ATRNL1: variants seen among roughly 807,000 people sequenced by gnomAD.
ATRNL1 encodes attractin like 1.
A neutral mutation model predicts 182.7 loss-of-function variants in ATRNL1; 95 were observed. The ratio of observed to expected loss-of-function variants is 0.52; its 90% confidence interval spans 0.44 to 0.62. The LOEUF (loss-of-function observed/expected upper bound fraction) is 0.62, where lower values mean the gene tolerates loss of function less well. Ranked by LOEUF, ATRNL1 falls within the 20% of genes least tolerant of loss-of-function variation. The pLI is 0.00. For missense variants in ATRNL1, 1,471 were observed against 1,679.5 expected, an observed-to-expected ratio of 0.88 and a Z score of 2.17; for synonymous variants, 576 against 568.3, an observed-to-expected ratio of 1.01 and a Z score of -0.19.
intron 5 of ATRNL1, among the ~76,000 whole-genome samples, chr10:115,144,872 T>C (rs1462837084): frequency 1.3e-5 from 2 of 151,130 alleles, no homozygotes; most frequent in African/African-American, 2.4e-5. Context: ...TTTGATTTAG[T>C]AAAATCTTCT....
intron 23 of ATRNL1, 37 bp downstream of exon 23, chr10:115,467,289 G>T: frequency 7.1e-7 from 1 of 1,418,330 alleles, no homozygotes; most frequent in Non-Finnish European, 9.8e-7. Context: ...TTTTACATGT[G>T]TTCCTATCTG....
At chr10:115,534,184 G>C (rs374633643) in intron 25 of ATRNL1, among the ~76,000 whole-genome samples, 2 of 139,086 alleles carry the variant, frequency 1.4e-5, no homozygotes, top group African/African-American at 5.1e-5. Flanking sequence ...TCGTTGATCT[G>C]TCTAATGTTG....
At chr10:115,561,712 T>TGG (rs1565167526) in intron 26 of ATRNL1, among the ~76,000 whole-genome samples, 1 of 150,870 alleles carries the variant, frequency 6.6e-6, no homozygotes, top group Non-Finnish European at 1.5e-5. Context: ...TGGGTGTGTG[T>TGG]GTGTGTGTGT....
In ATRNL1 at chr10:115,298,446, C is replaced by T. The variant is rs192482549; in HGVS notation, c.2416-1588C>T. 2.2e-3 allele frequency among the ~76,000 whole-genome samples: 334 copies of T among 152,124 alleles called. 2 individuals are homozygous for T. The highest frequency in any genetic ancestry group is 3.1e-3 in the Non-Finnish European group (212 of 67,946). ...TCCTCTTCCTCTCAGATTTTTATCA[C>T]GATGAGTTAGGGAGTAATATTTCAT... On this transcript the variant is annotated intron_variant, in intron 15 of 28. Coordinates refer to ENST00000355044, the MANE Select transcript of ATRNL1 (RefSeq NM_207303.4).
intron 6 of ATRNL1, among the ~76,000 whole-genome samples, chr10:115,163,435 C>T (rs1554883742): frequency 6.6e-6 from 1 of 151,182 alleles, no homozygotes; most frequent in African/African-American, 2.4e-5. Flanking sequence ...GTGATCATGG[C>T]TCACTGCAGC....
At chr10:115,492,933 G>A (rs1228684329) in intron 24 of ATRNL1, among the ~76,000 whole-genome samples, 16 of 152,062 alleles carry the variant, frequency 1.1e-4, no homozygotes, top group African/African-American at 3.1e-4. Flanking sequence ...GTGAGTCACC[G>A]CGCCTGGCCT....
intron 27 of ATRNL1, among the ~76,000 whole-genome samples, chr10:115,734,398 T>C (rs1395856363): frequency 6.6e-6 from 1 of 152,148 alleles, no homozygotes; most frequent in Admixed American, 6.5e-5. Context: ...TTAATCAAAT[T>C]TTTATTGTTA....
chr10:115,445,019 C>T (rs1033334170), intron 21 of ATRNL1, among the ~76,000 whole-genome samples: 1 of 152,012 alleles, frequency 6.6e-6, no homozygotes, highest in Non-Finnish European at 1.5e-5. Flanking sequence ...GCTTGAGCCA[C>T]TGCACCCGAC....
chr10:115,398,228 C>G (rs1233135568), intron 20 of ATRNL1, among the ~76,000 whole-genome samples: 1 of 151,940 alleles, frequency 6.6e-6, no homozygotes, highest in Non-Finnish European at 1.5e-5. Context: ...CCGCAGTGGG[C>G]AGGGCATCAG....
At chr10:115,319,580 C>T (rs1554930740) in intron 18 of ATRNL1, among the ~76,000 whole-genome samples, 1 of 152,094 alleles carries the variant, frequency 6.6e-6, no homozygotes, top group African/African-American at 2.4e-5. Flanking sequence ...GTATTGGGTG[C>T]ATATGTATTT....
At chr10:115,483,223 C>CAA (rs1848853059) in intron 24 of ATRNL1, among the ~76,000 whole-genome samples, 1 of 151,236 alleles carries the variant, frequency 6.6e-6, no homozygotes, top group Admixed American at 6.6e-5. Context: ...ATTTCATATG[C>CAA]CTTCATAAAT....
At chr10:115,331,380 TTTA>T (rs1855215436) in intron 18 of ATRNL1, among the ~76,000 whole-genome samples, 3 of 152,158 alleles carry the variant, frequency 2.0e-5, no homozygotes, top group Middle Eastern at 3.2e-3. Context: ...TTTCCTTTCA[TTTA>T]TTATTCTTTT....
intron 24 of ATRNL1, among the ~76,000 whole-genome samples, chr10:115,504,822 A>G (rs1850025079): frequency 6.6e-6 from 1 of 152,046 alleles, no homozygotes; most frequent in African/African-American, 2.4e-5. Flanking sequence ...GAGATCTTTT[A>G]TATATTTTCA....
At chr10:115,136,990 G>A (rs1845542482) in intron 5 of ATRNL1, among the ~76,000 whole-genome samples, 3 of 152,152 alleles carry the variant, frequency 2.0e-5, no homozygotes, top group Non-Finnish European at 4.4e-5. Context: ...CACATGAAAA[G>A]CAAGATATAA....
intron 27 of ATRNL1, among the ~76,000 whole-genome samples, chr10:115,796,908 G>A (rs1949667605): frequency 6.6e-6 from 1 of 152,066 alleles, no homozygotes; most frequent in Non-Finnish European, 1.5e-5. Context: ...TTCTTAATTA[G>A]TATCAAAAAT....
At chr10:115,199,971 G>A (rs931397965) in intron 8 of ATRNL1, among the ~76,000 whole-genome samples, 1 of 152,030 alleles carries the variant, frequency 6.6e-6, no homozygotes, top group Non-Finnish European at 1.5e-5. Flanking sequence ...GTGCTTAATT[G>A]CTGAGAGGGC....
chr10:115,912,418 G>T lies in ATRNL1; in HGVS notation c.4019-32240G>T, dbSNP rs74897078. ...GAAATACATATATATATATATATTT[G>T]TGTGTGTGTGTGTGTGTGTGTGCAT... On this transcript the variant is annotated intron_variant, in intron 28 of 28. Coordinates refer to ENST00000355044, the MANE Select transcript of ATRNL1 (RefSeq NM_207303.4). 0.013 allele frequency among the ~76,000 whole-genome samples: 129 copies of T among 9,986 alleles called. No homozygotes were observed. In the East Asian group the frequency reaches 0.24, roughly 19 times the overall value. 6.6% of individuals were successfully genotyped at this position (9,986 alleles called of 152,430 possible). A position where few individuals can be genotyped will look rare whatever the true frequency, so the allele number is the denominator to read the frequency against.
chr10:115,736,362 T>C (rs1014246160), intron 27 of ATRNL1, among the ~76,000 whole-genome samples: 1 of 152,140 alleles, frequency 6.6e-6, no homozygotes, highest in Non-Finnish European at 1.5e-5. Context: ...TTTCTAAAGT[T>C]ATATTTTATT....
At chr10:115,205,409 A>G (rs1033561807) in intron 8 of ATRNL1, among the ~76,000 whole-genome samples, 3 of 151,714 alleles carry the variant, frequency 2.0e-5, no homozygotes, top group African/African-American at 4.8e-5. Flanking sequence ...TAATTATTCT[A>G]TTAGTTTCTT....
Sources: allele counts gnomAD v4.1 joint callset (sites outside exome capture counted in the v4.1 genomes callset), GRCh38; gene constraint gnomAD v4.1.1; transcripts MANE v1.5; gene names NCBI Gene and HGNC (gene_info 2026-07-23, HGNC 2026-07-21).